The following TMOD1 variants were observed in gnomAD, a reference collection of about 807,000 sequenced individuals.
The protein encoded by TMOD1 is tropomodulin 1, also known as tropomodulin-1.
TMOD1 carries 17 observed loss-of-function variants against 40.6 expected under a neutral mutation model. The observed-to-expected ratio is 0.42, with a 90% CI of 0.29 to 0.63. The LOEUF (loss-of-function observed/expected upper bound fraction) is 0.63. Among genes scored for constraint, TMOD1 ranks in the 20% least tolerant of loss-of-function variants. The pLI is 0.22. For missense variants in TMOD1, 391 were observed against 447.6 expected (o/e 0.87, Z 1.14); for synonymous variants, 181 against 175.0 (o/e 1.03, Z -0.27).
At position 97,599,838 on chromosome 9, in the gene TMOD1, T is replaced by C. The variant is rs559224782; in HGVS notation, c.*140T>C. Reference sequence around the variant, plus strand: ...GTTCTTTATGCACTAAGGTTTTAGGTTGACTAGTGGTTGTAGTTGAAAATT... The same window carrying C: ...GTTCTTTATGCACTAAGGTTTTAGGCTGACTAGTGGTTGTAGTTGAAAATT... On this transcript the variant is annotated 3_prime_UTR_variant, in exon 10 of 10. Transcript: ENST00000259365. The C allele has an allele frequency of 1.2e-5, 18 of 1,483,588 alleles. No individual in the cohort carries two copies. Among genetic ancestry groups the C allele is most frequent in the East Asian group, 9.7e-5 (4 of 41,132 alleles). The allele number at this position is 1,483,588 out of a possible 1,614,324, so 91.9% of individuals were successfully genotyped here.
intron 2 of TMOD1, among the ~76,000 whole-genome samples, chr9:97,525,313 T>C (rs7851586): frequency 0.054 from 8,235 of 152,252 alleles, 731 homozygotes; most frequent in African/African-American, 0.19. Flanking sequence ...CAAACAATCT[T>C]GTGTTACATG....
At position 97,580,915 on chromosome 9, in the gene TMOD1, C is replaced by T. The variant is rs189773400; in HGVS notation, c.871-10376C>T. Among the ~76,000 whole-genome samples the T allele has an allele frequency of 5.7e-3, 849 of 148,492 alleles. 4 individuals carry two copies. Among genetic ancestry groups the T allele is most frequent in the Non-Finnish European group, 7.9e-3 (535 of 67,318 alleles). ...TATATAATGTTATCTAAATGAAAAT[C>T]ATATATTATGTAACCATTTTGGACT... On this transcript the variant is annotated intron_variant, in intron 8 of 9. Transcript: ENST00000259365.
intron 8 of TMOD1, among the ~76,000 whole-genome samples, chr9:97,570,416 A>G (rs920374413): frequency 1.3e-5 from 2 of 152,218 alleles, no homozygotes; most frequent in Non-Finnish European, 2.9e-5. Flanking sequence ...GATTGTGGAT[A>G]TCTCTTCCTG....
intron 1 of TMOD1, among the ~76,000 whole-genome samples, chr9:97,522,434 C>G (rs1240122910): frequency 6.6e-6 from 1 of 152,210 alleles, no homozygotes; most frequent in Non-Finnish European, 1.5e-5. Context: ...CTTGACTAAA[C>G]TTAACTACTT....
chr9:97,542,369 C>T (rs1454963023), intron 2 of TMOD1, among the ~76,000 whole-genome samples: 1 of 152,058 alleles, frequency 6.6e-6, no homozygotes, highest in Non-Finnish European at 1.5e-5. Context: ...TTAGAAAAGG[C>T]CTTTGACATT....
Position 97,553,255 on chromosome 9 carries a change from G to A in TMOD1, c.278-26G>A, listed in dbSNP as rs370660800. On this transcript the variant is annotated intron_variant, in intron 3 of 9. Coordinates refer to ENST00000259365, the MANE Select transcript of TMOD1 (RefSeq NM_003275.4). ...AGGCTGTTCCATTGCAGCCACTCCC[G>A]TAACAGGTCCCCTGTGTGTTTGCAG... is the stretch of plus-strand genomic sequence containing the variant. The A allele has an allele frequency of 6.0e-5, 96 of 1,613,280 alleles. 1 individual carries two copies. The African/African-American group carries it at 1.0e-3, about 17-fold the overall frequency.
chr9:97,593,373 A>G (rs1377761969), intron 9 of TMOD1, among the ~76,000 whole-genome samples: 3 of 152,168 alleles, frequency 2.0e-5, no homozygotes, highest in Non-Finnish European at 4.4e-5. Context: ...TTCAGAGGCC[A>G]TTGTAAGAAT....
intron 1 of TMOD1, among the ~76,000 whole-genome samples, chr9:97,519,323 T>C (rs764618885): frequency 1.3e-5 from 2 of 152,196 alleles, no homozygotes; most frequent in Non-Finnish European, 2.9e-5. Context: ...AAATTCTATT[T>C]TTTCATATTT....
intron 4 of TMOD1, 27 bp from the exon 5 acceptor site, chr9:97,562,705 T>A: frequency 6.6e-7 from 1 of 1,504,268 alleles, no homozygotes; most frequent in Non-Finnish European, 8.9e-7. Context: ...CAGAGGCACA[T>A]CATGAGCCCT....
intron 8 of TMOD1, among the ~76,000 whole-genome samples, chr9:97,574,366 A>G (rs1308354738): frequency 6.6e-6 from 1 of 152,156 alleles, no homozygotes; most frequent in African/African-American, 2.4e-5. Flanking sequence ...CACCTGGGCC[A>G]GCAGCTGCTG....
chr9:97,587,091 T>C (rs898969076), intron 8 of TMOD1, among the ~76,000 whole-genome samples: 14 of 152,372 alleles, frequency 9.2e-5, no homozygotes, highest in Non-Finnish European at 1.6e-4. Context: ...AATCGTTTGC[T>C]CTTTTTCACT....
chr9:97,522,327 T>C (rs1181792646), intron 1 of TMOD1, among the ~76,000 whole-genome samples: 1 of 152,162 alleles, frequency 6.6e-6, no homozygotes, highest in African/African-American at 2.4e-5. Context: ...TGTCACATGA[T>C]ATTCTCTTAG....
chr9:97,594,482 C>T (rs1054591889), intron 9 of TMOD1, among the ~76,000 whole-genome samples: 3 of 152,204 alleles, frequency 2.0e-5, no homozygotes, highest in Non-Finnish European at 2.9e-5. Flanking sequence ...GTTAGCAGGC[C>T]TGGCAGCAGG....
intron 1 of TMOD1, among the ~76,000 whole-genome samples, chr9:97,508,067 A>AC (rs1829621177): frequency 7.6e-6 from 1 of 131,660 alleles, no homozygotes; most frequent in Admixed American, 7.2e-5. Flanking sequence ...TCACACACAC[A>AC]CACACACACA....
At chr9:97,569,821 T>C (rs765463025) in intron 8 of TMOD1, among the ~76,000 whole-genome samples, 4 of 152,202 alleles carry the variant, frequency 2.6e-5, no homozygotes, top group African/African-American at 7.2e-5. Flanking sequence ...TTCAGGGCCA[T>C]AGGGTCAGCA....
intron 9 of TMOD1, among the ~76,000 whole-genome samples, chr9:97,592,881 TA>T (rs1227288982): frequency 1.3e-5 from 2 of 152,256 alleles, no homozygotes; most frequent in African/African-American, 4.8e-5. Context: ...GCCTCGGGTT[TA>T]GAAAAGCCCA....
chr9:97,556,952 G>T (rs1413495093), intron 4 of TMOD1, among the ~76,000 whole-genome samples: 1 of 152,114 alleles, frequency 6.6e-6, no homozygotes, highest in Non-Finnish European at 1.5e-5. Context: ...GATGGGAGGA[G>T]CCTGGAGGGC....
At chr9:97,520,587 T>C (rs1050560601) in intron 1 of TMOD1, among the ~76,000 whole-genome samples, 2 of 152,216 alleles carry the variant, frequency 1.3e-5, no homozygotes, top group Non-Finnish European at 2.9e-5. Flanking sequence ...TTTTGGTTCT[T>C]CTCAGTTTAT....
intron 2 of TMOD1, among the ~76,000 whole-genome samples, chr9:97,532,396 C>A (rs1270688753): frequency 6.6e-6 from 1 of 152,164 alleles, no homozygotes; most frequent in South Asian, 2.1e-4. Context: ...AAGGCTTGAC[C>A]TTTCCTCCCC....
Sources: gnomAD v4.1 joint callset for allele counts (sites outside exome capture counted in the v4.1 genomes callset) on GRCh38, gnomAD v4.1.1 for gene constraint, MANE v1.5 for transcripts, NCBI Gene and HGNC (gene_info 2026-07-23, HGNC 2026-07-21) for gene names.